Variants in CLN6 observed in about 807,000 individuals in gnomAD.
CLN6 encodes CLN6 transmembrane ER protein.
Under a neutral mutation model 33.3 loss-of-function variants are expected in CLN6, and 22 were observed. The observed-to-expected ratio is 0.66, with a 90% confidence interval of 0.47 to 0.94. The LOEUF is 0.94. Ranked by LOEUF, CLN6 falls within the 40% of genes least tolerant of loss-of-function variation. The pLI is 0.00. For synonymous variants in CLN6, 201 were observed against 174.6 expected (o/e 1.15, Z -1.19); for missense variants, 387 against 417.1 (o/e 0.93, Z 0.63).
In CLN6 at chr15:68,211,359, T is replaced by C. The variant is rs374426304; in HGVS notation, c.487-41A>G. The stretch of plus-strand genomic sequence containing the variant: ...GCAGGGCAGAGTCGGGGGATGTCGA[T>C]GTCAGTCCAGGGAGGTGCTGGGGCC... On this transcript the variant is annotated intron_variant, in intron 4 of 6. Coordinates refer to ENST00000249806, the MANE Select transcript of CLN6 (RefSeq NM_017882.3). This position sits in a 1 kb window ranked among gnomAD's most constrained non-coding sequence, Gnocchi z 5.9. 17 of 1,611,174 alleles carry C rather than the reference T, an allele frequency of 1.1e-5. No homozygotes were observed. The highest frequency in any genetic ancestry group is 1.3e-5 in the Non-Finnish European group (15 of 1,177,862).
intron 1 of CLN6, among the ~76,000 whole-genome samples, chr15:68,225,866 G>A (rs1011546924): frequency 3.9e-5 from 6 of 151,906 alleles, no homozygotes; most frequent in African/African-American, 1.2e-4. Flanking sequence ...CCAGCTACTC[G>A]GGAGGCTGAG....
chr15:68,251,937 G>A (rs1043503930), intron 1 of CLN6, among the ~76,000 whole-genome samples: 2 of 151,072 alleles, frequency 1.3e-5, no homozygotes, highest in African/African-American at 2.4e-5. Context: ...TAGCATGTGC[G>A]TGTGTATGTG....
rs776230869 is a variant in CLN6 at position 68,220,026 on chromosome 15, G to A, written c.84-1376C>T. Among the ~76,000 whole-genome samples the A allele has an allele frequency of 2.0e-5, 3 of 152,198 alleles. No homozygotes were observed. The highest frequency in any genetic ancestry group is 4.8e-5 in the African/African-American group (2 of 41,448). The stretch of plus-strand genomic sequence containing the variant: ...GGCACTGCAAAGACTGTCTTCTGTC[G>A]ATACTGCTGTTGCTTCCCTAATTTT... On this transcript the variant is annotated intron_variant, in intron 1 of 6. Transcript: ENST00000249806. The surrounding 1 kb of genome is among the most constrained non-coding windows in gnomAD (Gnocchi z 4.2).
chr15:68,245,374 G>A (rs940883801), intron 1 of CLN6, among the ~76,000 whole-genome samples: 4 of 151,924 alleles, frequency 2.6e-5, no homozygotes, highest in Admixed American at 6.6e-5. Flanking sequence ...ATGAGCCTGG[G>A]CAACATGTTG....
Position 68,220,510 on chromosome 15 carries a change from G to A in CLN6, c.84-1860C>T, listed in dbSNP as rs150910181. Among the ~76,000 whole-genome samples the A allele has an allele frequency of 6.7e-3, 1,020 of 152,360 alleles. 10 individuals are homozygous for A. The highest frequency in any genetic ancestry group is 0.011 in the Non-Finnish European group (732 of 68,032). On this transcript the variant is annotated intron_variant, in intron 1 of 6. Transcript: ENST00000249806. The surrounding 1 kb of genome is among the most constrained non-coding windows in gnomAD (Gnocchi z 4.2). ...TTTCCAACTGCAGGTGAGGAAAAGA[G>A]CTCCTTCCTTTATAGTGCTGGGTTC...
Position 68,208,247 on chromosome 15 carries a change from C to T in CLN6, c.829G>A (p.Val277Ile). The change falls in exon 7 of 7, where the codon GTC (valine) becomes ATC (isoleucine). Residue 277 changes from valine (V) to isoleucine (I), a missense_variant. Val to Ile is a conservative substitution (Grantham distance 29). Coordinates refer to ENST00000249806, the MANE Select transcript of CLN6 (RefSeq NM_017882.3). This position sits in a 1 kb window ranked among gnomAD's most constrained non-coding sequence, Gnocchi z 5.8. ...ALTLLLVALW[V>I]AWLWNDPVLR... ...ACAGGGTCATTCCACAGCCAGGCGA[C>T]CCAGAGCGCCACAAGCAAGAGGGTC... 6.2e-7 allele frequency: 1 copy of T among 1,614,060 alleles called. No individual in the cohort carries two copies. The highest frequency in any genetic ancestry group is 8.5e-7 in the Non-Finnish European group (1 of 1,180,020).
At position 68,209,729 on chromosome 15, in the gene CLN6, CATG is replaced by C; in HGVS notation, c.570_572del (p.Phe190_Met191delinsLeu). 6.2e-7 allele frequency: 1 copy of C among 1,613,784 alleles called. No homozygotes were observed. Among genetic ancestry groups the C allele is most frequent in the Non-Finnish European group, 8.5e-7 (1 of 1,179,954 alleles). ...AGGCAGTAAAGCAGCCGCTGAAGTA[CATG>C]AAGAGGATGAGGAAGAAGGGGATGT... On this transcript the variant is annotated inframe_deletion, in exon 6 of 7. Transcript: ENST00000249806. This position sits in a 1 kb window ranked among gnomAD's most constrained non-coding sequence, Gnocchi z 4.9.
chr15:68,248,161 A>G (rs912292618), intron 1 of CLN6, among the ~76,000 whole-genome samples: 14 of 152,352 alleles, frequency 9.2e-5, no homozygotes, highest in Admixed American at 7.8e-4. Flanking sequence ...AACAGAACAG[A>G]GAATCCAGAT....
upstream of CLN6, among the ~76,000 whole-genome samples, chr15:68,234,393 C>A (rs958415449): frequency 1.3e-5 from 2 of 152,184 alleles, no homozygotes; most frequent in African/African-American, 4.8e-5. The surrounding 1 kb of genome is among the most constrained non-coding windows in gnomAD (Gnocchi z 4.1). Flanking sequence ...AGGCAGTGTA[C>A]CGATATGGCT....
rs771007065 is a variant in CLN6, at chr15:68,208,282, G to A, written c.794C>T (p.Ser265Phe). Residue 265 changes from serine to phenylalanine, a missense_variant, in exon 7 of 7, where the codon TCC becomes TTC. By Grantham distance (155) the Ser-to-Phe change is radical (BLOSUM62 -2). Transcript: ENST00000249806. This position sits in a 1 kb window ranked among gnomAD's most constrained non-coding sequence, Gnocchi z 5.8. ...LDSNGLFLFS[S>F]FALTLLLVAL... ...CACAAGCAAGAGGGTCAGTGCGAAGGAGGAGAAGAGGAAGAGGCCGTTGCT... is the reference window on the plus strand; with the variant it reads ...CACAAGCAAGAGGGTCAGTGCGAAGAAGGAGAAGAGGAAGAGGCCGTTGCT... 9 of 1,614,146 alleles carry A rather than the reference G, an allele frequency of 5.6e-6. No homozygotes were observed. Among genetic ancestry groups the A allele is most frequent in the Admixed American group, 1.7e-5 (1 of 60,026 alleles).
intron 1 of CLN6, among the ~76,000 whole-genome samples, chr15:68,237,125 C>T (rs1056844348): frequency 2.2e-5 from 3 of 138,600 alleles, no homozygotes; most frequent in Non-Finnish European, 4.6e-5. Context: ...CCACTGCAGT[C>T]CGCAATCCGG....
chr15:68,214,447 C>A (rs1256665103), intron 2 of CLN6, 59 bp from the exon 3 acceptor site: 1 of 1,298,654 alleles, frequency 7.7e-7, no homozygotes, highest in Non-Finnish European at 1.1e-6. Flanking sequence ...GCCCTCGGGC[C>A]TCAAGGGAGT....
chr15:68,250,338 G>T (rs375619009), intron 1 of CLN6, among the ~76,000 whole-genome samples: 1 of 151,766 alleles, frequency 6.6e-6, no homozygotes, highest in South Asian at 2.1e-4. Flanking sequence ...AAAAAATCAA[G>T]CCAGCTGGTC....
chr15:68,224,524 A>T (rs937050973), intron 1 of CLN6, among the ~76,000 whole-genome samples: 1 of 147,926 alleles, frequency 6.8e-6, no homozygotes, highest in African/African-American at 2.5e-5. Flanking sequence ...GGGGAGGCTG[A>T]GGCATGAGAA....
intron 1 of CLN6, among the ~76,000 whole-genome samples, chr15:68,251,511 C>T (rs1394822144): frequency 1.3e-5 from 2 of 151,920 alleles, no homozygotes; most frequent in African/African-American, 4.8e-5. Context: ...CCCTTCTCTA[C>T]AGAAAATACA....
Position 68,208,213 on chromosome 15 carries a change from T to C in CLN6, c.863A>G (p.Lys288Arg). ...GACGTAGATGACACCCGGGTACTTC[T>C]TCCTGAGAACAGGGTCATTCCACAG... is the stretch of plus-strand genomic sequence containing the variant. ...AWLWNDPVLR[K>R]KYPGVIYVPE... Residue 288 changes from lysine (K) to arginine (R), a missense_variant, in exon 7 of 7, where the codon AAG (lysine) becomes AGG (arginine). Transcript: ENST00000249806. The surrounding 1 kb of genome is among the most constrained non-coding windows in gnomAD (Gnocchi z 5.8). The C allele has an allele frequency of 6.2e-7, 1 of 1,613,196 alleles. No individual in the cohort carries two copies. Among genetic ancestry groups the C allele is most frequent in the Non-Finnish European group, 8.5e-7 (1 of 1,179,746 alleles).
At chr15:68,240,609 A>AATAT (rs1205283534) in intron 1 of CLN6, among the ~76,000 whole-genome samples, 1 of 151,932 alleles carries the variant, frequency 6.6e-6, no homozygotes, top group Admixed American at 6.6e-5. Flanking sequence ...TAAATAAATA[A>AATAT]ATATATACAT....
intron 1 of CLN6, among the ~76,000 whole-genome samples, chr15:68,225,649 G>A (rs1184208201): frequency 1.3e-5 from 2 of 152,144 alleles, no homozygotes; most frequent in African/African-American, 2.4e-5. Flanking sequence ...GTCACACATG[G>A]CTAATTTTTA....
rs186920869 is a variant in CLN6, at chr15:68,214,572, G to A, written c.199-184C>T. 4 of 594,620 alleles carry A rather than the reference G, an allele frequency of 6.7e-6. No homozygotes were observed. In the East Asian group the frequency reaches 1.2e-4, roughly 18 times the overall value. 36.8% of individuals were successfully genotyped at this position (594,620 alleles called of 1,614,324 possible). On this transcript the variant is annotated intron_variant, in intron 2 of 6. Transcript: ENST00000249806. ...CAGCCTTGGGACAAAGGTTTATCCA[G>A]ACAGGAAAGCTGAGTCCCAGAGGAG... is the stretch of plus-strand genomic sequence containing the variant.
Sources: gnomAD v4.1 joint callset for allele counts (sites outside exome capture counted in the v4.1 genomes callset) on GRCh38, gnomAD v4.1.1 for gene constraint, Gnocchi (gnomAD v3.1) non-coding constraint, MANE v1.5 for transcripts, NCBI Gene and HGNC (gene_info 2026-07-23, HGNC 2026-07-21) for gene names.